CCBE1: variants seen among roughly 807,000 people sequenced by gnomAD.
The protein encoded by CCBE1 is collagen and calcium binding EGF domains 1.
CCBE1 carries 37 observed loss-of-function variants against 50.0 expected under a neutral mutation model. The ratio of observed to expected loss-of-function variants is 0.74; its 90% confidence interval spans 0.57 to 0.97. CCBE1 has a LOEUF of 0.97. Ranked by LOEUF, CCBE1 falls within the 50% of genes least tolerant of loss-of-function variation. CCBE1 has a pLI of 0.00. For synonymous variants in CCBE1, 234 were observed against 203.7 expected (o/e 1.15, Z -1.27); for missense variants, 538 against 523.8 (o/e 1.03, Z -0.26).
rs186410283 is a variant in CCBE1 at position 59,587,451 on chromosome 18, G to A, written c.213-107213C>T. On this transcript the variant is annotated intron_variant, in intron 2 of 10. Coordinates refer to ENST00000439986, the MANE Select transcript of CCBE1 (RefSeq NM_133459.4). ...ATTCAACAGTCATGTATGAAAAAAC[G>A]TTTTACCAAACCAGGAATAGAAGAG... Among the ~76,000 whole-genome samples the A allele has an allele frequency of 2.6e-3, 401 of 151,954 alleles. 2 individuals are homozygous for A. The highest frequency in any genetic ancestry group is 4.5e-3 in the Admixed American group (69 of 15,292).
intron 3 of CCBE1, among the ~76,000 whole-genome samples, chr18:59,479,861 G>A (rs1912483064): frequency 6.6e-6 from 1 of 152,236 alleles, no homozygotes. Flanking sequence ...AGGTAGAGAG[G>A]TCAAGGGAGG....
chr18:59,543,187 C>G (rs2851867), intron 2 of CCBE1, among the ~76,000 whole-genome samples: 106,331 of 151,928 alleles, frequency 0.7, 37,545 homozygotes, highest in African/African-American at 0.79. Context: ...CCCTTGACTC[C>G]CAGGGGCCTA....
In CCBE1 at chr18:59,664,988, C is replaced by T. The variant is rs75642240; in HGVS notation, c.212+31641G>A. Among the ~76,000 whole-genome samples, 1,360 of 152,244 alleles carry T rather than the reference C, an allele frequency of 8.9e-3. 28 individuals are homozygous for T. The highest frequency in any genetic ancestry group is 0.031 in the African/African-American group (1,299 of 41,554). On this transcript the variant is annotated intron_variant, in intron 2 of 10. Transcript: ENST00000439986. ...CACTGCCCTCCCCTCTTAGGAGTTG[C>T]ATTTTCTTGTGTAAGTCTGGTAGCA...
chr18:59,661,222 C>T (rs892657238), intron 2 of CCBE1, among the ~76,000 whole-genome samples: 2 of 140,784 alleles, frequency 1.4e-5, no homozygotes, highest in African/African-American at 4.9e-5. Flanking sequence ...TGGTCTAGCA[C>T]AAAAGGAGTT....
chr18:59,504,452 A>G (rs978584055), intron 2 of CCBE1, among the ~76,000 whole-genome samples: 1 of 150,822 alleles, frequency 6.6e-6, no homozygotes, highest in African/African-American at 2.4e-5. Context: ...GTTGACCACA[A>G]GTGTCCTTAT....
intron 2 of CCBE1, among the ~76,000 whole-genome samples, chr18:59,609,743 G>A (rs374719762): frequency 1.3e-5 from 2 of 152,082 alleles, no homozygotes; most frequent in East Asian, 1.9e-4. Flanking sequence ...TTCTATAGAG[G>A]GTCTATTCCT....
At chr18:59,603,385 A>G (rs1016209206) in intron 2 of CCBE1, among the ~76,000 whole-genome samples, 11 of 152,176 alleles carry the variant, frequency 7.2e-5, no homozygotes, top group African/African-American at 2.7e-4. Context: ...TATTATTTCT[A>G]AAACAATCAC....
chr18:59,680,258 G>C (rs2054568817), intron 2 of CCBE1, among the ~76,000 whole-genome samples: 1 of 150,954 alleles, frequency 6.6e-6, no homozygotes, highest in South Asian at 2.1e-4. Flanking sequence ...CAAAGGAGCC[G>C]ATCAGATACG....
chr18:59,564,621 T>A (rs1126010), intron 2 of CCBE1, among the ~76,000 whole-genome samples: 32,412 of 152,186 alleles, frequency 0.21, 5,285 homozygotes, highest in African/African-American at 0.46. Context: ...TACCAACTAT[T>A]TTATGAAGTC....
chr18:59,668,825 T>TTG (rs1274301586), intron 2 of CCBE1, among the ~76,000 whole-genome samples: 3 of 145,048 alleles, frequency 2.1e-5, no homozygotes, highest in African/African-American at 7.8e-5. Flanking sequence ...AAGTCTTTTT[T>TTG]TTTTTTTTTT....
chr18:59,587,744 A>T (rs1044215089), intron 2 of CCBE1, among the ~76,000 whole-genome samples: 18 of 152,226 alleles, frequency 1.2e-4, no homozygotes, highest in Non-Finnish European at 2.4e-4. Context: ...AGAAAAATAA[A>T]ATTTATCTTA....
chr18:59,558,570 T>C (rs2052686126), intron 2 of CCBE1, among the ~76,000 whole-genome samples: 1 of 152,186 alleles, frequency 6.6e-6, no homozygotes, highest in Non-Finnish European at 1.5e-5. Context: ...ACACCACTAT[T>C]GCCTGTAAAA....
chr18:59,456,055 A>G lies in CCBE1; in HGVS notation c.554-1104T>C, dbSNP rs73963214. On this transcript the variant is annotated intron_variant, in intron 5 of 10. Transcript: ENST00000439986. ...GTTCCATCTCCACTTGTTGAATCCC[A>G]CCAAGATGCACATCAAATGTTCCAT... 5.3e-3 allele frequency among the ~76,000 whole-genome samples: 809 copies of G among 152,090 alleles called. 8 individuals carry two copies. The highest frequency in any genetic ancestry group is 0.018 in the African/African-American group (766 of 41,476).
At chr18:59,522,926 A>C (rs1914664205) in intron 2 of CCBE1, among the ~76,000 whole-genome samples, 1 of 144,570 alleles carries the variant, frequency 6.9e-6, no homozygotes, top group Admixed American at 7.1e-5. Context: ...CAGGAGGCGG[A>C]GCTTGCAGTG....
At chr18:59,583,676 TGTGTGCGCGCGC>T (rs1366507597) in intron 2 of CCBE1, among the ~76,000 whole-genome samples, 64 of 68,900 alleles carry the variant, frequency 9.3e-4, no homozygotes, top group East Asian at 5.6e-3. Context: ...TGTGTGTGTG[TGTGTGCGCGCGC>T]GCGCGCGCGC....
chr18:59,543,847 A>C (rs112556694), intron 2 of CCBE1, among the ~76,000 whole-genome samples: 27 of 78,594 alleles, frequency 3.4e-4, no homozygotes, highest in African/African-American at 6.8e-4. Flanking sequence ...AAAAAAAAAA[A>C]AAAAAAAAAA....
chr18:59,567,598 C>G (rs368381723), intron 2 of CCBE1, among the ~76,000 whole-genome samples: 1 of 152,176 alleles, frequency 6.6e-6, no homozygotes, highest in African/African-American at 2.4e-5. Context: ...CCAAGTGGAT[C>G]GGGTTTTAAT....
chr18:59,586,424 G>A (rs1012097146), intron 2 of CCBE1, among the ~76,000 whole-genome samples: 2 of 152,198 alleles, frequency 1.3e-5, no homozygotes, highest in African/African-American at 4.8e-5. Flanking sequence ...AAATCCTCTG[G>A]CCCATGGGGA....
intron 2 of CCBE1, among the ~76,000 whole-genome samples, chr18:59,551,067 T>A (rs2469429): frequency 1.3e-3 from 181 of 144,678 alleles, no homozygotes; most frequent in Non-Finnish European, 1.7e-3. Flanking sequence ...AAAAGAAAAA[T>A]AAAAATACAG....
Sources: allele counts gnomAD v4.1 joint callset (sites outside exome capture counted in the v4.1 genomes callset), GRCh38; gene constraint gnomAD v4.1.1; transcripts MANE v1.5; gene names NCBI Gene and HGNC (gene_info 2026-07-23, HGNC 2026-07-21).